ZKSCAN2: variants seen among roughly 807,000 people sequenced by gnomAD.
ZKSCAN2 encodes zinc finger with KRAB and SCAN domains 2, also known as zinc finger protein with KRAB and SCAN domains 2.
A neutral mutation model predicts 90.5 loss-of-function variants in ZKSCAN2; 38 were observed. That is an observed-to-expected ratio of 0.42 (90% confidence interval 0.32 to 0.55). ZKSCAN2 has a LOEUF of 0.55. Among genes scored for constraint, ZKSCAN2 ranks in the 20% least tolerant of loss-of-function variants. The pLI is 0.11. For missense variants in ZKSCAN2, 1,167 were observed against 1,202.6 expected, an observed-to-expected ratio of 0.97 and a Z score of 0.44; for synonymous variants, 429 against 421.6, an observed-to-expected ratio of 1.02 and a Z score of -0.22.
At position 25,257,096 on chromosome 16, in the gene ZKSCAN2, G is replaced by A. The variant is rs1456643755; in HGVS notation, c.32C>T (p.Ala11Val). The A allele has an allele frequency of 6.2e-7, 1 of 1,608,740 alleles. No individual in the cohort carries two copies. The highest frequency in any genetic ancestry group is 1.3e-5 in the African/African-American group (1 of 74,740). MAVALDSQID[A>V]PLEVEGCLIM... ...TAGGCATCCCTCAACCTCCAGGGGCGCGTCGATCTGAGAGTCGAGGGCGAC... is the reference window on the plus strand; with the variant it reads ...TAGGCATCCCTCAACCTCCAGGGGCACGTCGATCTGAGAGTCGAGGGCGAC... Residue 11 changes from alanine to valine, a missense_variant, in exon 1 of 7, where the codon GCG (alanine) becomes GTG (valine). Transcript: ENST00000328086.
Position 25,257,192 on chromosome 16 carries a change from C to T in ZKSCAN2, c.-65G>A. 1 of 1,520,414 alleles carries T rather than the reference C, an allele frequency of 6.6e-7. No homozygotes were observed. The highest frequency in any genetic ancestry group is 2.3e-5 in the East Asian group (1 of 44,168). The allele number at this position is 1,520,414 out of a possible 1,614,324, so 94.2% of individuals were successfully genotyped here. A position where few individuals can be genotyped will look rare whatever the true frequency, so the allele number is the denominator to read the frequency against. On this transcript the variant is annotated 5_prime_UTR_variant, in exon 1 of 7. Coordinates refer to ENST00000328086, the MANE Select transcript of ZKSCAN2 (RefSeq NM_001012981.5). ...GGGGACCCAAAGAAGACTCCAAGCG[C>T]TCCCTGCTTAATGTTCCTGGGAGTG...
Position 25,240,217 on chromosome 16 carries a change from C to G in ZKSCAN2, c.2503G>C (p.Glu835Gln). 1 of 1,614,150 alleles carries G rather than the reference C, an allele frequency of 6.2e-7. No homozygotes were observed. Among genetic ancestry groups the G allele is most frequent in the Non-Finnish European group, 8.5e-7 (1 of 1,180,018 alleles). The change falls in exon 7 of 7, where the codon GAG becomes CAG. Residue 835 changes from glutamate to glutamine, a missense_variant. By Grantham distance (29) the Glu-to-Gln change is conservative. Coordinates refer to ENST00000328086, the MANE Select transcript of ZKSCAN2 (RefSeq NM_001012981.5). ...CTCTGACTAAAGCATTTTCCACACT[C>G]TCCGCATCTGTAGGGTTTCTCTCCT... ...HTGEKPYRCG[E>Q]CGKCFSQSSS...
rs778586979 is a variant in ZKSCAN2 at position 25,257,157 on chromosome 16, A to T, written c.-30T>A. ...CAGCCCAGGGGTCAACTTCACGTCT[A>T]GCTCAAGGTGGGGACCCAAAGAAGA... is the stretch of plus-strand genomic sequence containing the variant. On this transcript the variant is annotated 5_prime_UTR_variant, in exon 1 of 7. Coordinates refer to ENST00000328086, the MANE Select transcript of ZKSCAN2 (RefSeq NM_001012981.5). The T allele has an allele frequency of 6.4e-7, 1 of 1,551,232 alleles. No homozygotes were observed. Among genetic ancestry groups the T allele is most frequent in the Non-Finnish European group, 8.7e-7 (1 of 1,150,776 alleles).
chr16:25,243,641 A>G, intron 6 of ZKSCAN2, 144 bp downstream of exon 6: 1 of 1,045,710 alleles, frequency 9.6e-7, no homozygotes, highest in Non-Finnish European at 1.4e-6. Context: ...TCACTGCTAT[A>G]TCCCCTGTTC....
At chr16:25,241,030 C>CT (rs1338442657) in intron 6 of ZKSCAN2, among the ~76,000 whole-genome samples, 2 of 152,208 alleles carry the variant, frequency 1.3e-5, no homozygotes, top group Non-Finnish European at 2.9e-5. Flanking sequence ...AGGTTCCACT[C>CT]TAATTCATCC....
At position 25,244,098 on chromosome 16, in the gene ZKSCAN2, G is replaced by T; in HGVS notation, c.1668C>A (p.Ser556Arg). Residue 556 changes from serine to arginine, a missense_variant, in exon 6 of 7, where the codon AGC becomes AGA. Physicochemically the swap from Ser to Arg is moderately radical, Grantham distance 110. Transcript: ENST00000328086. ...TPEQCRTKFK[S>R]LQKSYRKVKN... ...TCACCTTGCGGTAACTCTTCTGAAGGCTTTTGAACTTGGTTCGGCACTGTT... is the reference window on the plus strand; with the variant it reads ...TCACCTTGCGGTAACTCTTCTGAAGTCTTTTGAACTTGGTTCGGCACTGTT... 1.2e-6 allele frequency: 2 copies of T among 1,614,174 alleles called. No individual in the cohort carries two copies. The highest frequency in any genetic ancestry group is 1.7e-6 in the Non-Finnish European group (2 of 1,180,038).
At position 25,240,322 on chromosome 16, in the gene ZKSCAN2, C is replaced by G; in HGVS notation, c.2398G>C (p.Glu800Gln). ...CAGTCAAGACATTTAAAAGGTTTTT[C>G]GCCTGTGTGGATTCTTTGGTGTCTG... ...LIRHQRIHTG[E>Q]KPFKCLDCGK... Residue 800 changes from glutamate (E) to glutamine (Q), a missense_variant, in exon 7 of 7, where the codon GAA becomes CAA. By Grantham distance (29) the Glu-to-Gln change is conservative. Coordinates refer to ENST00000328086, the MANE Select transcript of ZKSCAN2 (RefSeq NM_001012981.5). 1 of 1,614,020 alleles carries G rather than the reference C, an allele frequency of 6.2e-7. No homozygotes were observed. Among genetic ancestry groups the G allele is most frequent in the Non-Finnish European group, 8.5e-7 (1 of 1,180,038 alleles).
At chr16:25,244,888 G>A (rs538541923) in intron 5 of ZKSCAN2, among the ~76,000 whole-genome samples, 1 of 152,026 alleles carries the variant, frequency 6.6e-6, no homozygotes, top group African/African-American at 2.4e-5. Flanking sequence ...AACTTTTCAG[G>A]GCATATCTAA....
Position 25,257,564 on chromosome 16 carries a change from C to A in ZKSCAN2, c.-437G>T. ...AGTGGGTGGGGCCGGATGTGCAGGC[C>A]CCGCCCGGCGCCAGGTTCCGGGCTC... On this transcript the variant is annotated 5_prime_UTR_variant, in exon 1 of 7. Coordinates refer to ENST00000328086, the MANE Select transcript of ZKSCAN2 (RefSeq NM_001012981.5). 1 of 965,292 alleles carries A rather than the reference C, an allele frequency of 1.0e-6. No individual in the cohort carries two copies. The allele number at this position is 965,292 out of a possible 1,614,324, so 59.8% of individuals were successfully genotyped here. A position where few individuals can be genotyped will look rare whatever the true frequency, so the allele number is the denominator to read the frequency against.
At position 25,247,364 on chromosome 16, in the gene ZKSCAN2, T is replaced by C. The variant is rs186241681; in HGVS notation, c.832A>G (p.Ile278Val). The C allele has an allele frequency of 9.3e-6, 15 of 1,610,454 alleles. No homozygotes were observed. The African/African-American group carries it at 1.3e-4, about 14-fold the overall frequency. Residue 278 changes from isoleucine to valine, a missense_variant, in exon 5 of 7, where the codon ATA becomes GTA. By Grantham distance (29) the Ile-to-Val change is conservative (BLOSUM62 3). Coordinates refer to ENST00000328086, the MANE Select transcript of ZKSCAN2 (RefSeq NM_001012981.5). The stretch of plus-strand genomic sequence containing the variant: ...TCCTTTCTCTGTTCCAACCGGGTTA[T>C]CTTGTTAGATGTAGACACTGCACTT... Reference protein sequence around the residue: ...LGSAVSTSNKITRLEQRKEPW... With the variant: ...LGSAVSTSNKVTRLEQRKEPW...
At chr16:25,244,804 T>A (rs1962909630) in intron 5 of ZKSCAN2, among the ~76,000 whole-genome samples, 1 of 152,252 alleles carries the variant, frequency 6.6e-6, no homozygotes, top group African/African-American at 2.4e-5. Context: ...AGTTTTTGGA[T>A]GTCATTGAAT....
intron 5 of ZKSCAN2, chr16:25,246,483 T>C: frequency 1.7e-6 from 1 of 587,144 alleles, no homozygotes; most frequent in Non-Finnish European, 3.0e-6. Context: ...TGCTGTGCTC[T>C]AAAGTGAAAA....
rs1404242825 is a variant in ZKSCAN2, at chr16:25,237,420, G to C, written c.*2396C>G. Reference sequence around the variant, plus strand: ...TCAGCTTGCTCCCAGGCATATGAGAGTTAAACAGAATCAGTTTGTCCCACT... The same window carrying C: ...TCAGCTTGCTCCCAGGCATATGAGACTTAAACAGAATCAGTTTGTCCCACT... On this transcript the variant is annotated 3_prime_UTR_variant, in exon 7 of 7. Transcript: ENST00000328086. 6.6e-6 allele frequency: 1 copy of C among 152,164 alleles called. No homozygotes were observed. The highest frequency in any genetic ancestry group is 1.5e-5 in the Non-Finnish European group (1 of 68,046). The allele number at this position is 152,164 out of a possible 1,614,324, so 9.4% of individuals were successfully genotyped here. A position where few individuals can be genotyped will look rare whatever the true frequency, so the allele number is the denominator to read the frequency against.
chr16:25,256,814 G>A lies in ZKSCAN2; in HGVS notation c.314C>T (p.Ala105Val), dbSNP rs1963109706. Reference sequence around the variant, plus strand: ...TCCACTTTGCGGACACTGCTTCTGTGCCCAAGCCTGAATCTTCTCGGGTAA... The same window carrying A: ...TCCACTTTGCGGACACTGCTTCTGTACCCAAGCCTGAATCTTCTCGGGTAA... The part of the protein sequence containing the change: ...TILPEKIQAW[A>V]QKQCPQSGEE... The change falls in exon 1 of 7, where the codon GCA (alanine) becomes GTA (valine). Residue 105 changes from alanine (A) to valine (V), a missense_variant. Coordinates refer to ENST00000328086, the MANE Select transcript of ZKSCAN2 (RefSeq NM_001012981.5). 1 of 1,613,984 alleles carries A rather than the reference G, an allele frequency of 6.2e-7. No homozygotes were observed. Among genetic ancestry groups the A allele is most frequent in the Admixed American group, 1.7e-5 (1 of 59,990 alleles).
intron 6 of ZKSCAN2, among the ~76,000 whole-genome samples, chr16:25,241,310 C>A (rs1476864059): frequency 6.6e-6 from 1 of 152,224 alleles, no homozygotes; most frequent in Admixed American, 6.5e-5. Flanking sequence ...CTACATCCCA[C>A]GTTCACTACA....
chr16:25,255,788 G>C (rs1963092613), intron 1 of ZKSCAN2, among the ~76,000 whole-genome samples: 1 of 152,084 alleles, frequency 6.6e-6, no homozygotes, highest in Non-Finnish European at 1.5e-5. Flanking sequence ...TCATTATGTT[G>C]GTCAGGCTGG....
At position 25,240,454 on chromosome 16, in the gene ZKSCAN2, T is replaced by C. The variant is rs1217609210; in HGVS notation, c.2266A>G (p.Ser756Gly). 6.2e-7 allele frequency: 1 copy of C among 1,614,164 alleles called. No homozygotes were observed. The highest frequency in any genetic ancestry group is 8.5e-7 in the Non-Finnish European group (1 of 1,180,028). The stretch of plus-strand genomic sequence containing the variant: ...ATCAGACGAGTGCTCCTTCCAAAGC[T>C]TTCTCCATATTTGAGAAGTCTGTAG... ...RPYRLLKYGE[S>G]FGRSTRLMCR... Residue 756 changes from serine (S) to glycine (G), a missense_variant, in exon 7 of 7, where the codon AGC (serine) becomes GGC (glycine). By Grantham distance (56) the Ser-to-Gly change is moderately conservative. Coordinates refer to ENST00000328086, the MANE Select transcript of ZKSCAN2 (RefSeq NM_001012981.5).
In ZKSCAN2 at chr16:25,247,348, T is replaced by C; in HGVS notation, c.848A>G (p.Gln283Arg). 1 of 1,612,516 alleles carries C rather than the reference T, an allele frequency of 6.2e-7. No homozygotes were observed. Among genetic ancestry groups the C allele is most frequent in the South Asian group, 1.1e-5 (1 of 91,082 alleles). Residue 283 changes from glutamine (Q) to arginine (R), a missense_variant, in exon 5 of 7, where the codon CAG (glutamine) becomes CGG (arginine). Coordinates refer to ENST00000328086, the MANE Select transcript of ZKSCAN2 (RefSeq NM_001012981.5). ...ACCTAGAGTCCATGGCTCCTTTCTC[T>C]GTTCCAACCGGGTTATCTTGTTAGA... ...STSNKITRLE[Q>R]RKEPWTLGLH...
At chr16:25,243,749 T>TC (rs771798632) in intron 6 of ZKSCAN2, 36 bp downstream of exon 6, 1 of 990,322 alleles carries the variant, frequency 1.0e-6, no homozygotes. Flanking sequence ...CACTTATTCC[T>TC]CTTTTGGACT....
Sources: gnomAD v4.1 joint callset for allele counts (sites outside exome capture counted in the v4.1 genomes callset) on GRCh38, gnomAD v4.1.1 for gene constraint, MANE v1.5 for transcripts, NCBI Gene and HGNC (gene_info 2026-07-23, HGNC 2026-07-21) for gene names.